TBC1D4: variants seen among roughly 807,000 people sequenced by gnomAD.
TBC1D4 encodes TBC (Tre-2, BUB2, CDC16) domain-containing protein.
Under a neutral mutation model 142.5 loss-of-function variants are expected in TBC1D4, and 121 were observed. The ratio of observed to expected loss-of-function variants is 0.85; its 90% confidence interval spans 0.73 to 0.99. TBC1D4 has a LOEUF of 0.99. Ranked by LOEUF, TBC1D4 falls within the 50% of genes least tolerant of loss-of-function variation. TBC1D4 has a pLI of 0.00. For synonymous variants in TBC1D4, 630 were observed against 628.2 expected, an observed-to-expected ratio of 1.00 and a Z score of -0.04; for missense variants, 1,475 against 1,606.6, an observed-to-expected ratio of 0.92 and a Z score of 1.40.
intron 1 of TBC1D4, among the ~76,000 whole-genome samples, chr13:75,427,213 G>A (rs956321663): frequency 3.3e-5 from 5 of 151,724 alleles, no homozygotes; most frequent in Admixed American, 6.6e-5. Context: ...TCAGCCTCCC[G>A]AGTAGCTGGA....
chr13:75,479,053 G>A (rs1888728518), intron 1 of TBC1D4, among the ~76,000 whole-genome samples: 1 of 152,208 alleles, frequency 6.6e-6, no homozygotes, highest in Non-Finnish European at 1.5e-5. Flanking sequence ...AGCAACGCTA[G>A]ACTTGCATCC....
At chr13:75,440,730 T>C (rs1887003936) in intron 1 of TBC1D4, among the ~76,000 whole-genome samples, 3 of 146,020 alleles carry the variant, frequency 2.1e-5, no homozygotes, top group African/African-American at 8.1e-5. Flanking sequence ...CTTTGGGTTT[T>C]ATTTGTTTCT....
chr13:75,378,554 C>T (rs1181432519), intron 1 of TBC1D4, among the ~76,000 whole-genome samples: 1 of 152,034 alleles, frequency 6.6e-6, no homozygotes, highest in African/African-American at 2.4e-5. Flanking sequence ...ATACCTAGCT[C>T]TCTTTTAGTG....
At chr13:75,340,666 G>T (rs1231879129) in intron 7 of TBC1D4, among the ~76,000 whole-genome samples, 1 of 152,126 alleles carries the variant, frequency 6.6e-6, no homozygotes, top group Non-Finnish European at 1.5e-5. Context: ...CTATAAAATG[G>T]CCGGGTGCAG....
At chr13:75,370,194 G>C (rs927458930) in intron 1 of TBC1D4, among the ~76,000 whole-genome samples, 1 of 152,220 alleles carries the variant, frequency 6.6e-6, no homozygotes, top group Non-Finnish European at 1.5e-5. Flanking sequence ...AGGGAACTGT[G>C]AGGAACCAGC....
chr13:75,299,823 C>CAAAAA (rs56719877), intron 16 of TBC1D4, among the ~76,000 whole-genome samples: 20 of 105,792 alleles, frequency 1.9e-4, no homozygotes, highest in East Asian at 1.1e-3. Context: ...TTCTTTCCAG[C>CAAAAA]AAAAAAAAAA....
chr13:75,307,279 A>G (rs947075830), intron 14 of TBC1D4, among the ~76,000 whole-genome samples: 1 of 152,198 alleles, frequency 6.6e-6, no homozygotes, highest in African/African-American at 2.4e-5. Flanking sequence ...GTTCATTTGT[A>G]ATAAACTTAA....
At chr13:75,453,196 A>G (rs1281403054) in intron 1 of TBC1D4, among the ~76,000 whole-genome samples, 1 of 151,802 alleles carries the variant, frequency 6.6e-6, no homozygotes, top group African/African-American at 2.4e-5. Flanking sequence ...TATAAATAAG[A>G]TTTTTAGGTA....
At chr13:75,427,345 T>C (rs1360366772) in intron 1 of TBC1D4, among the ~76,000 whole-genome samples, 14 of 152,184 alleles carry the variant, frequency 9.2e-5, no homozygotes, top group Admixed American at 8.5e-4. Flanking sequence ...ATATAAACTT[T>C]TAAGTATCTG....
At position 75,481,617 on chromosome 13, in the gene TBC1D4, T is replaced by C. The variant is rs370400049; in HGVS notation, c.151A>G (p.Thr51Ala). The C allele has an allele frequency of 7.9e-5, 127 of 1,608,176 alleles. No individual in the cohort carries two copies. Among genetic ancestry groups the C allele is most frequent in the Middle Eastern group, 1.6e-4 (1 of 6,066 alleles). Residue 51 changes from threonine (T) to alanine (A), a missense_variant, in exon 1 of 21, where the codon ACG (threonine) becomes GCG (alanine). By Grantham distance (58) the Thr-to-Ala change is moderately conservative. Around this residue, in one of 2 missense-constraint regions of TBC1D4, gnomAD observed 1,227 missense variants for 1,267.7 expected, o/e 0.97. Coordinates refer to ENST00000377636, the MANE Select transcript of TBC1D4 (RefSeq NM_014832.5). Reference protein sequence around the residue: ...VGGSCLDHRTTLPMLPWLMAE... With the variant: ...VGGSCLDHRTALPMLPWLMAE... ...ATGAGCCAGGGCAGCATAGGCAGCG[T>C]GGTCCTGTGGTCCAGGCACGACCCC...
chr13:75,389,213 G>T lies in TBC1D4; in HGVS notation c.499-26606C>A, dbSNP rs528654990. Among the ~76,000 whole-genome samples, 9 of 152,256 alleles carry T rather than the reference G, an allele frequency of 5.9e-5. No homozygotes were observed. The South Asian group carries it at 1.9e-3, about 32-fold the overall frequency. On this transcript the variant is annotated intron_variant, in intron 1 of 20. Transcript: ENST00000377636. ...TAACCTGTCATACTTAAAACAGGAC[G>T]GCACTCTGCTTACTTGATTCCAATA...
At position 75,286,685 on chromosome 13, in the gene TBC1D4, A is replaced by G. The variant is rs1874704941; in HGVS notation, c.*107T>C. The G allele has an allele frequency of 9.2e-7, 1 of 1,082,138 alleles. No homozygotes were observed. Among genetic ancestry groups the G allele is most frequent in the Non-Finnish European group, 1.4e-6 (1 of 721,116 alleles). The allele number at this position is 1,082,138 out of a possible 1,614,324, so 67.0% of individuals were successfully genotyped here. A position where few individuals can be genotyped will look rare whatever the true frequency, so the allele number is the denominator to read the frequency against. On this transcript the variant is annotated 3_prime_UTR_variant, in exon 21 of 21. Coordinates refer to ENST00000377636, the MANE Select transcript of TBC1D4 (RefSeq NM_014832.5). ...TGACTAGGCGCTCAGCACCAGTATT[A>G]GGTGGTTCCATCAGCTTCAGGGTCC... is the stretch of plus-strand genomic sequence containing the variant.
intron 1 of TBC1D4, among the ~76,000 whole-genome samples, chr13:75,373,528 G>A (rs1211223745): frequency 6.6e-6 from 1 of 152,154 alleles, no homozygotes. Flanking sequence ...CTTTTTGTGG[G>A]TGAAGGAAAG....
At chr13:75,419,398 T>C (rs1018109174) in intron 1 of TBC1D4, among the ~76,000 whole-genome samples, 1 of 152,216 alleles carries the variant, frequency 6.6e-6, no homozygotes, top group African/African-American at 2.4e-5. Context: ...ATGTATCTAG[T>C]AAGGATTGCA....
chr13:75,342,134 T>C (rs567059), intron 5 of TBC1D4, among the ~76,000 whole-genome samples: 4,466 of 152,160 alleles, frequency 0.029, 186 homozygotes, highest in African/African-American at 0.09. Context: ...GAGGCAGAGG[T>C]TGCAGTGAGC....
intron 1 of TBC1D4, among the ~76,000 whole-genome samples, chr13:75,435,340 A>T (rs1342522983): frequency 6.6e-6 from 1 of 151,164 alleles, no homozygotes; most frequent in Non-Finnish European, 1.5e-5. Context: ...AAAAAAAAAA[A>T]TACATAATTA....
chr13:75,346,009 C>T (rs1052439985), intron 5 of TBC1D4, among the ~76,000 whole-genome samples: 3 of 152,022 alleles, frequency 2.0e-5, no homozygotes, highest in Admixed American at 2.0e-4. Flanking sequence ...TTTAACTTTG[C>T]CTACACAGAA....
intron 13 of TBC1D4, among the ~76,000 whole-genome samples, chr13:75,311,900 A>G (rs1877794809): frequency 6.6e-6 from 1 of 152,234 alleles, no homozygotes; most frequent in African/African-American, 2.4e-5. Flanking sequence ...GAAGTTCTCT[A>G]TAAATATTAG....
chr13:75,370,010 T>C (rs1018030305), intron 1 of TBC1D4, among the ~76,000 whole-genome samples: 1 of 152,110 alleles, frequency 6.6e-6, no homozygotes, highest in Non-Finnish European at 1.5e-5. Context: ...AGACATAAAA[T>C]TTTGAGGAAA....
Sources: gnomAD v4.1 joint callset for allele counts (sites outside exome capture counted in the v4.1 genomes callset) on GRCh38, gnomAD v4.1.1 for gene constraint, gnomAD v4.1.1 regional missense constraint, MANE v1.5 for transcripts, NCBI Gene and HGNC (gene_info 2026-07-23, HGNC 2026-07-21) for gene names.